Variants in CEP63 observed in about 807,000 individuals in gnomAD.
CEP63 encodes the protein centrosomal protein of 63 kDa.
Under a neutral mutation model 89.1 loss-of-function variants are expected in CEP63, and 84 were observed. That is an observed-to-expected ratio of 0.94 (90% confidence interval 0.79 to 1.13). The LOEUF is 1.13. CEP63 is among the 50% of genes most tolerant of loss of function. The pLI is 0.00. For missense variants in CEP63, 838 were observed against 813.3 expected (o/e 1.03, Z -0.37); for synonymous variants, 267 against 272.5 (o/e 0.98, Z 0.20).
the CEP63 span, among the ~76,000 whole-genome samples, chr3:134,704,647 C>T: frequency 6.6e-6 from 1 of 152,216 alleles, no homozygotes; most frequent in Admixed American, 6.5e-5. Flanking sequence ...CAGGGCTTGC[C>T]CATGCCTGCT....
chr3:134,716,965 T>TA, the CEP63 span, among the ~76,000 whole-genome samples: 1 of 152,196 alleles, frequency 6.6e-6, no homozygotes. Context: ...AGCATAAACT[T>TA]ACTGAAGGGC....
chr3:134,507,046 A>C, intron 2 of CEP63, 63 bp from the exon 3 acceptor site: 1 of 1,299,028 alleles, frequency 7.7e-7, no homozygotes, highest in Non-Finnish European at 1.1e-6. Context: ...TTTTTACATG[A>C]AAAAGATGAA....
chr3:134,533,029 A>T, intron 5 of CEP63, 129 bp downstream of exon 5: 1 of 932,490 alleles, frequency 1.1e-6, no homozygotes. Flanking sequence ...GCTATTTCAG[A>T]GGTGAGAGGG....
At chr3:134,571,545 G>A (rs1026650633) in intron 11 of CEP63, among the ~76,000 whole-genome samples, 6 of 152,264 alleles carry the variant, frequency 3.9e-5, no homozygotes, top group African/African-American at 1.4e-4. Context: ...GCTGGGCATG[G>A]TGGCGGGCAC....
In CEP63 at chr3:134,563,379, T is replaced by C. The variant is rs987180104; in HGVS notation, c.*1844T>C. The C allele has an allele frequency of 6.6e-6, 1 of 152,124 alleles. No homozygotes were observed. Among genetic ancestry groups the C allele is most frequent in the Non-Finnish European group, 1.5e-5 (1 of 68,044 alleles). 9.4% of individuals were successfully genotyped at this position (152,124 alleles called of 1,614,324 possible). A position where few individuals can be genotyped will look rare whatever the true frequency, so the allele number is the denominator to read the frequency against. ...TGGAGTTATCCTTTAGAAATGTAAA[T>C]GAAACAGTGTCACCACTGCTTCCCT... On this transcript the variant is annotated 3_prime_UTR_variant, in exon 15 of 15. Coordinates refer to ENST00000675561, the MANE Select transcript of CEP63 (RefSeq NM_001353108.3).
At chr3:134,500,358 G>C (rs925680672) in intron 2 of CEP63, among the ~76,000 whole-genome samples, 2 of 152,290 alleles carry the variant, frequency 1.3e-5, no homozygotes, top group South Asian at 2.1e-4. Context: ...GGGTACATAG[G>C]TTGGTTTCAT....
chr3:134,553,465 A>C (rs1042702236), intron 12 of CEP63: 3 of 152,170 alleles, frequency 2.0e-5, no homozygotes, highest in African/African-American at 7.2e-5. Context: ...ATTCCCTACA[A>C]AGATAATAAG....
intron 3 of CEP63, among the ~76,000 whole-genome samples, chr3:134,507,921 G>A (rs1460679882): frequency 6.6e-6 from 1 of 152,180 alleles, no homozygotes; most frequent in Non-Finnish European, 1.5e-5. Flanking sequence ...GAAGTAGAAA[G>A]CATTTATGTG....
At chr3:134,715,714 C>T in the CEP63 span, among the ~76,000 whole-genome samples, 5 of 151,856 alleles carry the variant, frequency 3.3e-5, no homozygotes, top group African/African-American at 1.2e-4. Flanking sequence ...GTTATAGGAG[C>T]CTCATGGGGA....
At chr3:134,546,650 C>T (rs1015476291) in intron 8 of CEP63, among the ~76,000 whole-genome samples, 2 of 152,208 alleles carry the variant, frequency 1.3e-5, no homozygotes, top group Non-Finnish European at 2.9e-5. Flanking sequence ...AGCTGCCACG[C>T]CCATCCAAGC....
At chr3:134,545,004 GTTTGTTTTGAGA>G in intron 6 of CEP63, among the ~76,000 whole-genome samples, 1 of 151,954 alleles carries the variant, frequency 6.6e-6, no homozygotes, top group African/African-American at 2.4e-5. Flanking sequence ...TTGTTTGTTT[GTTTGTTTTGAGA>G]CAGAGTCTCA....
intron 4 of CEP63, 22 bp from the exon 5 acceptor site, chr3:134,532,756 A>G: frequency 6.3e-7 from 1 of 1,583,788 alleles, no homozygotes; most frequent in Non-Finnish European, 8.6e-7. Context: ...AACTTTAAAT[A>G]TAGAAATAAC....
chr3:134,559,143 C>T lies in CEP63; in HGVS notation c.1674-7C>T. On this transcript the variant is annotated splice_region_variant and splice_polypyrimidine_tract_variant and intron_variant, in intron 13 of 14. Coordinates refer to ENST00000675561, the MANE Select transcript of CEP63 (RefSeq NM_001353108.3). The stretch of plus-strand genomic sequence containing the variant: ...TTATTTGTTTTGTTTTCTAATCTAC[C>T]ATCCAGGCCAACCCATGGCCAGCAC... 6.2e-7 allele frequency: 1 copy of T among 1,612,962 alleles called. No homozygotes were observed. Among genetic ancestry groups the T allele is most frequent in the Non-Finnish European group, 8.5e-7 (1 of 1,179,612 alleles).
intron 12 of CEP63, among the ~76,000 whole-genome samples, chr3:134,554,098 T>C (rs1274776978): frequency 6.6e-6 from 1 of 152,208 alleles, no homozygotes; most frequent in Non-Finnish European, 1.5e-5. Context: ...CTTTTATTAT[T>C]ATACTTTAAG....
downstream of CEP63, chr3:134,565,095 A>T (rs2110238193): frequency 2.7e-6 from 1 of 371,804 alleles, no homozygotes; most frequent in Non-Finnish European, 3.7e-6. Context: ...CCCAAATGAG[A>T]TGAAAAGATT....
chr3:134,728,649 G>A, the CEP63 span, among the ~76,000 whole-genome samples: 8 of 152,170 alleles, frequency 5.3e-5, no homozygotes, highest in Non-Finnish European at 1.2e-4. Context: ...TCATTTATAC[G>A]ATGGAGTATA....
At chr3:134,567,717 G>A (rs531672574), downstream of CEP63, among the ~76,000 whole-genome samples, 116 of 152,312 alleles carry the variant, frequency 7.6e-4, no homozygotes, top group Admixed American at 1.5e-3. Flanking sequence ...CCTGCACACC[G>A]CAGGGGTTCC....
chr3:134,702,760 CA>C, the CEP63 span, among the ~76,000 whole-genome samples: 1 of 152,102 alleles, frequency 6.6e-6, no homozygotes, highest in South Asian at 2.1e-4. Flanking sequence ...GTCAAAACCA[CA>C]AAAAGACACC....
At chr3:134,694,259 C>T in the CEP63 span, among the ~76,000 whole-genome samples, 3 of 152,212 alleles carry the variant, frequency 2.0e-5, no homozygotes, top group African/African-American at 4.8e-5. Context: ...TGCACGCCTG[C>T]TCTCCTGGTC....
Sources: gnomAD v4.1 joint callset for allele counts (sites outside exome capture counted in the v4.1 genomes callset) on GRCh38, gnomAD v4.1.1 for gene constraint, MANE v1.5 for transcripts, NCBI Gene and HGNC (gene_info 2026-07-23, HGNC 2026-07-21) for gene names.